The following FAM184A variants were observed in gnomAD, a reference collection of about 807,000 sequenced individuals.
FAM184A encodes family with sequence similarity 184 member A.
In FAM184A, 99 loss-of-function variants were observed where a neutral mutation model predicts 143.8. The ratio of observed to expected loss-of-function variants is 0.69; its 90% CI spans 0.58 to 0.81. FAM184A has a LOEUF of 0.81. Among genes scored for constraint, FAM184A ranks in the 40% least tolerant of loss-of-function variants. FAM184A has a pLI of 0.00. For synonymous variants in FAM184A, 427 were observed against 446.4 expected (o/e 0.96, Z 0.55); for missense variants, 1,217 against 1,310.5 (o/e 0.93, Z 1.10).
chr6:119,090,402 T>G (rs1007871482), intron 1 of FAM184A, among the ~76,000 whole-genome samples: 2 of 152,186 alleles, frequency 1.3e-5, no homozygotes, highest in African/African-American at 4.8e-5. Flanking sequence ...CTCCTGTGGC[T>G]TTGGAGAGAG....
chr6:119,041,133 A>G (rs1786312244), intron 1 of FAM184A, among the ~76,000 whole-genome samples: 1 of 152,300 alleles, frequency 6.6e-6, no homozygotes, highest in South Asian at 2.1e-4. Context: ...TAAGCTTCTA[A>G]GAAAAGACAT....
chr6:118,975,226 TC>T lies in FAM184A; in HGVS notation c.2584-19del. ...TCCTTACTCTGTTAAAAAAAAAAAG[TC>T]ATTTTTAGAAGTTTTCTACATATTT... is the stretch of plus-strand genomic sequence containing the variant. On this transcript the variant is annotated intron_variant, in intron 12 of 17. Transcript: ENST00000338891. 1 of 1,357,754 alleles carries T rather than the reference TC, an allele frequency of 7.4e-7. No individual in the cohort carries two copies. The highest frequency in any genetic ancestry group is 1.0e-6 in the Non-Finnish European group (1 of 997,146). 84.1% of individuals were successfully genotyped at this position (1,357,754 alleles called of 1,614,324 possible). A position where few individuals can be genotyped will look rare whatever the true frequency, so the allele number is the denominator to read the frequency against.
Position 119,016,959 on chromosome 6 carries a change from A to G in FAM184A, c.1333-15T>C, listed in dbSNP as rs918248007. ...TCATTTACTTTCTAAAATTAAAACAAAGATCAATAATCGGCACCTGCTTTT... is the reference window on the plus strand; with the variant it reads ...TCATTTACTTTCTAAAATTAAAACAGAGATCAATAATCGGCACCTGCTTTT... On this transcript the variant is annotated splice_polypyrimidine_tract_variant and intron_variant, in intron 4 of 17. Coordinates refer to ENST00000338891, the MANE Select transcript of FAM184A (RefSeq NM_024581.6). 8 of 1,568,112 alleles carry G rather than the reference A, an allele frequency of 5.1e-6. No homozygotes were observed. Among genetic ancestry groups the G allele is most frequent in the Admixed American group, 1.8e-5 (1 of 55,826 alleles).
rs138450036 is a variant in FAM184A at position 119,106,426 on chromosome 6, A to G, written c.-202+42652T>C. ...CAAACAAACAAAAAACCAAACTGAC[A>G]TATTTAAAAAGAGAATGTATTAAAT... On this transcript the variant is annotated intron_variant, in intron 1 of 16. Coordinates refer to the FAM184A transcript ENST00000352896. Among the ~76,000 whole-genome samples the G allele has an allele frequency of 5.7e-3, 869 of 152,316 alleles. 15 individuals are homozygous for G. Among genetic ancestry groups the G allele is most frequent in the East Asian group, 0.038 (198 of 5,186 alleles).
chr6:119,129,343 T>A (rs1042921260), intron 1 of FAM184A, among the ~76,000 whole-genome samples: 10 of 152,306 alleles, frequency 6.6e-5, no homozygotes, highest in Middle Eastern at 3.4e-3. Flanking sequence ...TGCCTGTGGC[T>A]GACATACTGA....
At chr6:119,143,978 T>A (rs1772332505) in intron 1 of FAM184A, among the ~76,000 whole-genome samples, 1 of 152,086 alleles carries the variant, frequency 6.6e-6, no homozygotes, top group Non-Finnish European at 1.5e-5. Flanking sequence ...CTTTTTCTGA[T>A]AACAGCATTA....
At position 119,003,131 on chromosome 6, in the gene FAM184A, C is replaced by A. The variant is rs935665770; in HGVS notation, c.1938-82G>T. The A allele has an allele frequency of 4.0e-6, 5 of 1,241,090 alleles. No homozygotes were observed. The African/African-American group carries it at 6.1e-5, about 15-fold the overall frequency. 76.9% of individuals were successfully genotyped at this position (1,241,090 alleles called of 1,614,324 possible). A position where few individuals can be genotyped will look rare whatever the true frequency, so the allele number is the denominator to read the frequency against. The stretch of plus-strand genomic sequence containing the variant: ...TAATAGAGTCTACAGGTTTTTTAAG[C>A]GCTTAATTAATCCTCTTCAAAAGTC... On this transcript the variant is annotated intron_variant, in intron 8 of 17. Transcript: ENST00000338891.
intron 1 of FAM184A, among the ~76,000 whole-genome samples, chr6:119,091,145 C>T (rs773690926): frequency 1.6e-4 from 24 of 152,234 alleles, no homozygotes; most frequent in Middle Eastern, 6.8e-3. Flanking sequence ...ACTAATGCTA[C>T]GTATTGATAC....
chr6:119,112,624 C>A (rs750982444), intron 1 of FAM184A, among the ~76,000 whole-genome samples: 1 of 151,602 alleles, frequency 6.6e-6, no homozygotes. Flanking sequence ...CAATTCAGAT[C>A]GTCAGTGGCT....
intron 1 of FAM184A, among the ~76,000 whole-genome samples, chr6:119,044,743 C>A (rs932026163): frequency 6.6e-6 from 1 of 151,990 alleles, no homozygotes. Flanking sequence ...TTAATAGAGA[C>A]TGAAGTTTGT....
chr6:118,964,879 A>C (rs1783449360), intron 15 of FAM184A, 108 bp from the exon 16 acceptor site: 1 of 598,250 alleles, frequency 1.7e-6, no homozygotes, highest in African/African-American at 1.9e-5. Flanking sequence ...AACCTGAATG[A>C]AGATTTAGAT....
At chr6:119,098,209 C>T (rs1788557433) in intron 1 of FAM184A, among the ~76,000 whole-genome samples, 1 of 152,202 alleles carries the variant, frequency 6.6e-6, no homozygotes, top group Non-Finnish European at 1.5e-5. Context: ...GCTTGGCTCT[C>T]ATTCTCTCTT....
In FAM184A at chr6:118,970,008, A is replaced by ATATATATATATATATATTTTT; in HGVS notation, c.2916-3057_2916-3056insAAAAATATATATATATATATA. Among the ~76,000 whole-genome samples, 80 of 18,982 alleles carry ATATATATATATATATATTTTT rather than the reference A, an allele frequency of 4.2e-3. 2 individuals are homozygous for ATATATATATATATATATTTTT. The highest frequency in any genetic ancestry group is 0.013 in the East Asian group (4 of 320). 12.5% of individuals were successfully genotyped at this position (18,982 alleles called of 152,430 possible). A position where few individuals can be genotyped will look rare whatever the true frequency, so the allele number is the denominator to read the frequency against. On this transcript the variant is annotated intron_variant, in intron 14 of 17. Transcript: ENST00000338891. ...ATATATATATAATATATATATATAT[A>ATATATATATATATATATTTTT]TTTTTTTTTTTTTGAGATGGAGTTT... is the stretch of plus-strand genomic sequence containing the variant.
rs1289155356 is a variant in FAM184A at position 119,134,383 on chromosome 6, T to C, written c.-202+14695A>G. Among the ~76,000 whole-genome samples the C allele has an allele frequency of 2.0e-5, 3 of 152,106 alleles. No individual in the cohort carries two copies. In the South Asian group the frequency reaches 6.2e-4, roughly 31 times the overall value. Reference sequence around the variant, plus strand: ...AGATATTATTGCACATCTAATAGATTGATACAAATTTAAAAGTCTATTGCG... The same window carrying C: ...AGATATTATTGCACATCTAATAGATCGATACAAATTTAAAAGTCTATTGCG... On this transcript the variant is annotated intron_variant, in intron 1 of 16. Coordinates refer to the FAM184A transcript ENST00000352896.
At chr6:118,961,361 CAAG>C (rs932671260) in intron 17 of FAM184A, among the ~76,000 whole-genome samples, 1 of 147,312 alleles carries the variant, frequency 6.8e-6, no homozygotes, top group African/African-American at 2.5e-5. Context: ...TCTTGGTAAA[CAAG>C]AAAGGGAAAA....
Position 119,145,377 on chromosome 6 carries a change from C to T in FAM184A, c.-202+3701G>A, listed in dbSNP as rs192100961. Among the ~76,000 whole-genome samples, 363 of 152,264 alleles carry T rather than the reference C, an allele frequency of 2.4e-3. 1 individual carries two copies. The highest frequency in any genetic ancestry group is 3.8e-3 in the Non-Finnish European group (256 of 68,026). Reference sequence around the variant, plus strand: ...TCTTTAGCTCTTACCCACACTTCTGCAAATACACCCTTCTGTCATTAAACC... The same window carrying T: ...TCTTTAGCTCTTACCCACACTTCTGTAAATACACCCTTCTGTCATTAAACC... On this transcript the variant is annotated intron_variant, in intron 1 of 16. Transcript: ENST00000352896.
chr6:119,036,698 G>A (rs1210134318), intron 1 of FAM184A, among the ~76,000 whole-genome samples: 1 of 152,088 alleles, frequency 6.6e-6, no homozygotes, highest in Non-Finnish European at 1.5e-5. Context: ...TGAATGCTCA[G>A]TACTTTTTTA....
At chr6:119,009,220 T>A (rs1428501882) in intron 6 of FAM184A, among the ~76,000 whole-genome samples, 1 of 152,150 alleles carries the variant, frequency 6.6e-6, no homozygotes, top group Non-Finnish European at 1.5e-5. Flanking sequence ...ATTATTATAG[T>A]TGCTATCACA....
At chr6:119,060,513 T>C (rs950833941) in intron 1 of FAM184A, among the ~76,000 whole-genome samples, 2 of 152,196 alleles carry the variant, frequency 1.3e-5, no homozygotes, top group Admixed American at 1.3e-4. Context: ...AACTGAAGAA[T>C]TGGTAGAATT....
Sources: gnomAD v4.1 joint callset for allele counts (sites outside exome capture counted in the v4.1 genomes callset) on GRCh38, gnomAD v4.1.1 for gene constraint, MANE v1.5 for transcripts, NCBI Gene and HGNC (gene_info 2026-07-23, HGNC 2026-07-21) for gene names.